SVEP1: variants seen among roughly 807,000 people sequenced by gnomAD.
The protein encoded by SVEP1 is sushi, von Willebrand factor type A, EGF and pentraxin domain containing 1.
Under a neutral mutation model 367.3 loss-of-function variants are expected in SVEP1, and 164 were observed. The observed-to-expected ratio is 0.45, with a 90% CI of 0.39 to 0.51. The LOEUF is 0.51. Among genes scored for constraint, SVEP1 ranks in the 20% least tolerant of loss-of-function variants. The pLI, the probability that SVEP1 is intolerant of heterozygous loss-of-function variation, is 0.00. For missense variants in SVEP1, 4,117 were observed against 4,425.3 expected, an observed-to-expected ratio of 0.93 and a Z score of 1.98; for synonymous variants, 1,666 against 1,611.6, an observed-to-expected ratio of 1.03 and a Z score of -0.81.
In SVEP1 at chr9:110,406,516, G is replaced by C. The variant is rs1285982510; in HGVS notation, c.9084C>G (p.Ala3028=). 3 of 1,613,582 alleles carry C rather than the reference G, an allele frequency of 1.9e-6. No individual in the cohort carries two copies. In the African/African-American group the frequency reaches 4.0e-5, roughly 22 times the overall value. Residue 3028 remains alanine (A), a synonymous_variant, in exon 38 of 48, where the codon GCC becomes GCG. Transcript: ENST00000374469. ...NGTDFDCGKA[A]RIQCFKGFKL... Reference sequence around the variant, plus strand: ...TGAAGCCTTTGAAGCACTGAATCCGGGCTGCCTTTCCACAGTCAAAATCTG... The same window carrying C: ...TGAAGCCTTTGAAGCACTGAATCCGCGCTGCCTTTCCACAGTCAAAATCTG...
At position 110,429,978 on chromosome 9, in the gene SVEP1, GA is replaced by G; in HGVS notation, c.5556del (p.Pro1853GlnfsTer9). 1 of 1,612,640 alleles carries G rather than the reference GA, an allele frequency of 6.2e-7. No individual in the cohort carries two copies. The highest frequency in any genetic ancestry group is 8.5e-7 in the Non-Finnish European group (1 of 1,179,760). ...CKAVSCGKPA[I>X]PENGCIEELA... ...AACTCCTCAATGCAACCATTTTCTG[GA>G]ATAGCCGGTTTACCACATGAAACAG... On this transcript the variant is annotated frameshift_variant, in exon 34 of 48. Coordinates refer to ENST00000374469, the MANE Select transcript of SVEP1 (RefSeq NM_153366.4). LOFTEE classifies it high-confidence loss of function.
chr9:110,441,987 T>C (rs1828515846), intron 27 of SVEP1, among the ~76,000 whole-genome samples: 1 of 152,216 alleles, frequency 6.6e-6, no homozygotes, highest in African/African-American at 2.4e-5. Flanking sequence ...CCTGCATGCC[T>C]TGCCTTCCCT....
Position 110,450,219 on chromosome 9 carries a change from G to C in SVEP1, c.3943C>G (p.Pro1315Ala), listed in dbSNP as rs771857165. The C allele has an allele frequency of 2.4e-5, 38 of 1,613,644 alleles. No individual in the cohort carries two copies. In the South Asian group the frequency reaches 4.0e-4, roughly 17 times the overall value. ...ETEVNECQSNPCLNNAVCEDQ... is the reference protein window; with the variant it reads ...ETEVNECQSNACLNNAVCEDQ... ...TCACAGACTGCATTATTTAAGCATG[G>C]GTTTGACTGGCATTCATTGACTTCT... Residue 1315 changes from proline to alanine, a missense_variant, in exon 24 of 48, where the codon CCA becomes GCA. Pro to Ala is a conservative substitution (Grantham distance 27). This residue lies in a region of SVEP1 where 2,174 missense variants were observed against 2,494.3 expected (regional missense o/e 0.87). Coordinates refer to ENST00000374469, the MANE Select transcript of SVEP1 (RefSeq NM_153366.4).
intron 6 of SVEP1, among the ~76,000 whole-genome samples, chr9:110,502,817 G>T (rs1004250287): frequency 1.3e-5 from 2 of 151,560 alleles, no homozygotes; most frequent in African/African-American, 4.8e-5. Flanking sequence ...ATAAACCTCT[G>T]TGAGTTAGAA....
intron 5 of SVEP1, among the ~76,000 whole-genome samples, chr9:110,512,545 C>T (rs1048074824): frequency 4.6e-5 from 7 of 152,120 alleles, no homozygotes; most frequent in African/African-American, 1.7e-4. Context: ...GCTAACTGCT[C>T]TTGTTGCAGG....
At position 110,446,845 on chromosome 9, in the gene SVEP1, G is replaced by T. The variant is rs1321095342; in HGVS notation, c.4261+55C>A. The stretch of plus-strand genomic sequence containing the variant: ...TGGTGCAGGCAAAATTGGTATTATT[G>T]TTATTATATTACTATTGTTAGTATT... On this transcript the variant is annotated intron_variant, in intron 25 of 47. Transcript: ENST00000374469. 4.3e-6 allele frequency: 6 copies of T among 1,402,308 alleles called. No homozygotes were observed. The African/African-American group carries it at 7.3e-5, about 17-fold the overall frequency. 86.9% of individuals were successfully genotyped at this position (1,402,308 alleles called of 1,614,324 possible).
At chr9:110,474,278 G>T (rs1020248972) in intron 14 of SVEP1, among the ~76,000 whole-genome samples, 1 of 152,152 alleles carries the variant, frequency 6.6e-6, no homozygotes, top group Non-Finnish European at 1.5e-5. Flanking sequence ...GGGATTACAG[G>T]TGTGAGCCAT....
chr9:110,402,804 C>A (rs1174071795), intron 39 of SVEP1, among the ~76,000 whole-genome samples: 2 of 152,122 alleles, frequency 1.3e-5, no homozygotes, highest in African/African-American at 2.4e-5. Flanking sequence ...TGGAACCATA[C>A]AAAATTTGAA....
chr9:110,501,106 C>T (rs894921244), intron 6 of SVEP1, among the ~76,000 whole-genome samples: 7 of 146,662 alleles, frequency 4.8e-5, no homozygotes, highest in Admixed American at 3.4e-4. Context: ...AATTAATATA[C>T]ATATATAAAT....
Position 110,579,705 on chromosome 9 carries a change from C to G in SVEP1, c.-162G>C. ...ATCTGACACTGGGGACAGACACAATCCAGACTCCTCAGCAGCTCGGGAACT... is the reference window on the plus strand; with the variant it reads ...ATCTGACACTGGGGACAGACACAATGCAGACTCCTCAGCAGCTCGGGAACT... On this transcript the variant is annotated 5_prime_UTR_variant, in exon 1 of 48. Coordinates refer to ENST00000374469, the MANE Select transcript of SVEP1 (RefSeq NM_153366.4). This position sits in a 1 kb window ranked among gnomAD's most constrained non-coding sequence, Gnocchi z 5.3. 1.2e-6 allele frequency: 1 copy of G among 818,712 alleles called. No homozygotes were observed. 50.7% of individuals were successfully genotyped at this position (818,712 alleles called of 1,614,324 possible). A position where few individuals can be genotyped will look rare whatever the true frequency, so the allele number is the denominator to read the frequency against.
chr9:110,383,515 G>T (rs894845123), intron 43 of SVEP1, among the ~76,000 whole-genome samples: 7 of 61,932 alleles, frequency 1.1e-4, no homozygotes, highest in Admixed American at 4.7e-4. Context: ...AAGGTGTCTG[G>T]TGACCCCTGT....
chr9:110,476,857 A>T (rs1295872458), intron 13 of SVEP1, among the ~76,000 whole-genome samples: 1 of 151,728 alleles, frequency 6.6e-6, no homozygotes, highest in African/African-American at 2.4e-5. Flanking sequence ...GGTCCTTCTC[A>T]CTCTTCGTTG....
At chr9:110,502,737 A>G (rs7864278) in intron 6 of SVEP1, among the ~76,000 whole-genome samples, 94,799 of 152,022 alleles carry the variant, frequency 0.62, 30,232 homozygotes, top group African/African-American at 0.77. Context: ...AGGCATTTGC[A>G]TTTTAAAAAA....
At position 110,499,133 on chromosome 9, in the gene SVEP1, C is replaced by T. The variant is rs548514380; in HGVS notation, c.1589G>A (p.Arg530His). Residue 530 changes from arginine to histidine, a missense_variant, in exon 7 of 48, where the codon CGC (arginine) becomes CAC (histidine). By Grantham distance (29) the Arg-to-His change is conservative. Transcript: ENST00000374469. ...KFGTICYVSCRQGFILSGVKE... is the reference protein window; with the variant it reads ...KFGTICYVSCHQGFILSGVKE... Reference sequence around the variant, plus strand: ...GACTCCAGATAAAATGAACCCTTGGCGGCAACTTACATAGCAGATCGTCCC... The same window carrying T: ...GACTCCAGATAAAATGAACCCTTGGTGGCAACTTACATAGCAGATCGTCCC... The T allele has an allele frequency of 9.9e-5, 159 of 1,613,698 alleles. 2 individuals carry two copies. In the South Asian group the frequency reaches 1.3e-3, roughly 13 times the overall value.
intron 3 of SVEP1, among the ~76,000 whole-genome samples, chr9:110,536,805 T>C (rs1830085468): frequency 6.6e-6 from 1 of 151,994 alleles, no homozygotes; most frequent in Non-Finnish European, 1.5e-5. Context: ...CATTAACTCG[T>C]CATTTACATT....
chr9:110,499,234 G>C lies in SVEP1; in HGVS notation c.1488C>G (p.Arg496=). Residue 496 remains arginine, a synonymous_variant, in exon 7 of 48, where the codon CGC becomes CGG. Coordinates refer to ENST00000374469, the MANE Select transcript of SVEP1 (RefSeq NM_153366.4). ...WDGPEPRCVE[R]HCSTFQMPKD... is the part of the protein sequence containing the mutation. ...TGGGCATCTGAAAGGTGGAACAGTG[G>C]CGCTCTACGGTAGGGAAACAGAGAG... 1 of 1,611,842 alleles carries C rather than the reference G, an allele frequency of 6.2e-7. No individual in the cohort carries two copies. Among genetic ancestry groups the C allele is most frequent in the Non-Finnish European group, 8.5e-7 (1 of 1,178,582 alleles).
intron 27 of SVEP1, among the ~76,000 whole-genome samples, chr9:110,437,048 T>C (rs1828440644): frequency 6.6e-6 from 1 of 152,226 alleles, no homozygotes; most frequent in Non-Finnish European, 1.5e-5. Flanking sequence ...CTGGACAGTC[T>C]GTGTCTGCAC....
At chr9:110,437,047 CTG>C (rs950793187) in intron 27 of SVEP1, among the ~76,000 whole-genome samples, 2 of 152,196 alleles carry the variant, frequency 1.3e-5, no homozygotes, top group African/African-American at 4.8e-5. Context: ...GCTGGACAGT[CTG>C]TGTCTGCACT....
chr9:110,428,543 A>C (rs1159710453), intron 35 of SVEP1, among the ~76,000 whole-genome samples: 1 of 152,166 alleles, frequency 6.6e-6, no homozygotes, highest in Non-Finnish European at 1.5e-5. Flanking sequence ...AATCCATCAC[A>C]AAAGCATTTA....
Sources: gnomAD v4.1 joint callset for allele counts (sites outside exome capture counted in the v4.1 genomes callset) on GRCh38, gnomAD v4.1.1 for gene constraint, gnomAD v4.1.1 regional missense constraint, Gnocchi (gnomAD v3.1) non-coding constraint, MANE v1.5 for transcripts, NCBI Gene and HGNC (gene_info 2026-07-23, HGNC 2026-07-21) for gene names.